Variants in RIMS2 observed in about 807,000 individuals in gnomAD.
RIMS2 encodes regulating synaptic membrane exocytosis protein 2.
RIMS2 carries 59 observed loss-of-function variants against 174.4 expected under a neutral mutation model. The ratio of observed to expected loss-of-function variants is 0.34; its 90% confidence interval spans 0.27 to 0.42. RIMS2 has a LOEUF of 0.42. Among genes scored for constraint, RIMS2 ranks in the 10% least tolerant of loss-of-function variants. The probability of loss-of-function intolerance (pLI) is 1.00; values close to 1 mark genes in which losing one functional copy is unlikely to be tolerated. For missense variants in RIMS2, 1,620 were observed against 1,666.3 expected (o/e 0.97, Z 0.48); for synonymous variants, 606 against 572.5 (o/e 1.06, Z -0.84).
chr8:103,998,386 A>G (rs928679526), intron 17 of RIMS2: 2 of 489,804 alleles, frequency 4.1e-6, no homozygotes, highest in Non-Finnish European at 7.2e-6. Flanking sequence ...TATCACCCAC[A>G]TAAAATAACA....
At chr8:103,915,419 GT>G (rs2076469347) in intron 6 of RIMS2, 75 bp from the exon 10 acceptor site, 8 of 746,258 alleles carry the variant, frequency 1.1e-5, no homozygotes, top group African/African-American at 1.8e-5. Context: ...ATTGTTCTAG[GT>G]ATTCTTTTAC....
At chr8:103,838,129 A>G (rs375475809) in intron 3 of RIMS2, among the ~76,000 whole-genome samples, 46 of 151,872 alleles carry the variant, frequency 3.0e-4, no homozygotes, top group Middle Eastern at 3.2e-3. Flanking sequence ...GTAGTTTTGT[A>G]GAAGTAGGGT....
At chr8:104,140,738 G>T (rs183587639) in intron 19 of RIMS2, among the ~76,000 whole-genome samples, 6 of 152,300 alleles carry the variant, frequency 3.9e-5, no homozygotes, top group Non-Finnish European at 7.3e-5. Context: ...CTAACACCAA[G>T]TAGATGCAAG....
chr8:104,214,869 A>T (rs1260977626), intron 19 of RIMS2, among the ~76,000 whole-genome samples: 1 of 152,198 alleles, frequency 6.6e-6, no homozygotes, highest in African/African-American at 2.4e-5. Flanking sequence ...TACAAATAGA[A>T]CTACGTTCAA....
At chr8:103,909,898 G>T (rs1197781020) in intron 4 of RIMS2, among the ~76,000 whole-genome samples, 3 of 151,464 alleles carry the variant, frequency 2.0e-5, no homozygotes, top group Non-Finnish European at 4.4e-5. Context: ...GACTTTTGTA[G>T]GGTCTGTCTA....
At chr8:103,588,802 A>G (rs968548233) in intron 1 of RIMS2, among the ~76,000 whole-genome samples, 1 of 151,966 alleles carries the variant, frequency 6.6e-6, no homozygotes, top group African/African-American at 2.4e-5. Context: ...AAACTATGAA[A>G]CTACCACAAG....
intron 19 of RIMS2, among the ~76,000 whole-genome samples, chr8:104,186,628 C>G (rs2098969370): frequency 2.6e-5 from 4 of 151,754 alleles, no homozygotes; most frequent in South Asian, 2.1e-4. Flanking sequence ...TCTCCATAGC[C>G]CTTCATGTTA....
intron 1 of RIMS2, among the ~76,000 whole-genome samples, chr8:103,629,359 C>CT (rs2095859798): frequency 6.6e-6 from 1 of 152,196 alleles, no homozygotes; most frequent in African/African-American, 2.4e-5. Flanking sequence ...ACAGCAAACG[C>CT]TTTAAGAACT....
intron 1 of RIMS2, among the ~76,000 whole-genome samples, chr8:103,683,647 GA>G (rs2096905812): frequency 6.6e-6 from 1 of 152,182 alleles, no homozygotes; most frequent in South Asian, 2.1e-4. Flanking sequence ...GTCATTTACT[GA>G]GAAGCATCTC....
chr8:103,645,882 A>T (rs1026366240), intron 1 of RIMS2, among the ~76,000 whole-genome samples: 35 of 152,198 alleles, frequency 2.3e-4, no homozygotes, highest in African/African-American at 8.0e-4. Flanking sequence ...AGAGACCACC[A>T]AACAGGCTTT....
chr8:104,199,504 G>A (rs562662845), intron 19 of RIMS2, among the ~76,000 whole-genome samples: 5 of 152,220 alleles, frequency 3.3e-5, no homozygotes, highest in African/African-American at 1.2e-4. Context: ...CTTTTCCACC[G>A]GCTGCCACTC....
At chr8:103,935,888 A>T (rs924737371) in intron 12 of RIMS2, among the ~76,000 whole-genome samples, 2 of 152,226 alleles carry the variant, frequency 1.3e-5, no homozygotes, top group East Asian at 3.8e-4. Flanking sequence ...ACAGAGATAT[A>T]CAACGAAAAA....
chr8:103,684,111 C>CT (rs2096910879), intron 1 of RIMS2, among the ~76,000 whole-genome samples: 2 of 152,186 alleles, frequency 1.3e-5, no homozygotes, highest in African/African-American at 4.8e-5. Flanking sequence ...AAATTTACCT[C>CT]TTTTTTGTAT....
chr8:103,760,267 C>T (rs879078024), intron 2 of RIMS2, among the ~76,000 whole-genome samples: 1 of 152,184 alleles, frequency 6.6e-6, no homozygotes, highest in Admixed American at 6.5e-5. Context: ...GTAAGTGTGA[C>T]TATTGCTAGA....
chr8:103,748,826 G>A (rs1212205018), intron 2 of RIMS2, among the ~76,000 whole-genome samples: 1 of 151,350 alleles, frequency 6.6e-6, no homozygotes, highest in Non-Finnish European at 1.5e-5. Context: ...TTGAGACAGA[G>A]TTTTACTCTT....
At chr8:104,134,160 G>A (rs896466163) in intron 19 of RIMS2, among the ~76,000 whole-genome samples, 16 of 152,156 alleles carry the variant, frequency 1.1e-4, no homozygotes, top group African/African-American at 3.4e-4. Context: ...AACATAAGCC[G>A]CAGCAAATTC....
intron 1 of RIMS2, among the ~76,000 whole-genome samples, chr8:103,650,193 T>A (rs2096423673): frequency 6.6e-6 from 1 of 152,206 alleles, no homozygotes; most frequent in Non-Finnish European, 1.5e-5. Context: ...TGCTGTGGTT[T>A]GCAAGGGTCC....
intron 2 of RIMS2, among the ~76,000 whole-genome samples, chr8:103,757,246 T>C (rs186444182): frequency 6.6e-6 from 1 of 152,184 alleles, no homozygotes; most frequent in African/African-American, 2.4e-5. Flanking sequence ...TAATATTTAG[T>C]TTGCTGCATT....
At chr8:103,801,062 C>T (rs370619309) in intron 3 of RIMS2, among the ~76,000 whole-genome samples, 1 of 151,882 alleles carries the variant, frequency 6.6e-6, no homozygotes, top group African/African-American at 2.4e-5. Context: ...GCATGATCTC[C>T]GCTCACTGCA....
Sources: gnomAD v4.1 joint callset for allele counts (sites outside exome capture counted in the v4.1 genomes callset) on GRCh38, gnomAD v4.1.1 for gene constraint, MANE v1.5 for transcripts, NCBI Gene and HGNC (gene_info 2026-07-23, HGNC 2026-07-21) for gene names.